CLMN: variants seen among roughly 807,000 people sequenced by gnomAD.
The protein encoded by CLMN is calmin, also known as calmin (calponin-like, transmembrane).
Under a neutral mutation model 92.7 loss-of-function variants are expected in CLMN, and 57 were observed. The observed-to-expected ratio is 0.61, with a 90% CI of 0.50 to 0.77. The LOEUF (loss-of-function observed/expected upper bound fraction) is 0.77. CLMN is among the 30% of genes least tolerant of loss of function. The pLI is 0.00. For missense variants in CLMN, 1,158 were observed against 1,237.5 expected, an observed-to-expected ratio of 0.94 and a Z score of 0.96; for synonymous variants, 466 against 470.6, an observed-to-expected ratio of 0.99 and a Z score of 0.13.
intron 1 of CLMN, among the ~76,000 whole-genome samples, chr14:95,307,096 G>T (rs1156522734): frequency 1.3e-5 from 2 of 152,154 alleles, no homozygotes; most frequent in African/African-American, 4.8e-5. Flanking sequence ...GAAGACATAT[G>T]ACCTCACTGA....
intron 2 of CLMN, among the ~76,000 whole-genome samples, chr14:95,225,017 C>G (rs548622662): frequency 6.6e-6 from 1 of 152,072 alleles, no homozygotes; most frequent in Admixed American, 6.6e-5. Context: ...CCTCACCCCA[C>G]GTGTGTAGAC....
chr14:95,208,417 A>G (rs1370706711), intron 8 of CLMN, among the ~76,000 whole-genome samples: 3 of 152,208 alleles, frequency 2.0e-5, no homozygotes, highest in Non-Finnish European at 4.4e-5. Flanking sequence ...TCTGTGCCCA[A>G]AAAAACTCTC....
In CLMN at chr14:95,194,509, GGAAAGA is replaced by G. The variant is rs770628965; in HGVS notation, c.2769+21_2769+26del. The G allele has an allele frequency of 6.2e-7, 1 of 1,614,038 alleles. No individual in the cohort carries two copies. Among genetic ancestry groups the G allele is most frequent in the Admixed American group, 1.7e-5 (1 of 60,028 alleles). On this transcript the variant is annotated intron_variant, in intron 11 of 12. Transcript: ENST00000298912. This position sits in a 1 kb window ranked among gnomAD's most constrained non-coding sequence, Gnocchi z 4.0. ...AGGAATTGATTAGCAGGGGCCGTGC[GGAAAGA>G]GAAGAAATTCACATACTAACCGATT...
chr14:95,238,728 C>T (rs1339887291), intron 1 of CLMN, among the ~76,000 whole-genome samples: 1 of 152,162 alleles, frequency 6.6e-6, no homozygotes, highest in East Asian at 1.9e-4. Flanking sequence ...CGGCACAAAC[C>T]GGTGGTCTCC....
rs560314144 is a variant in CLMN at position 95,191,487 on chromosome 14, A to G, written c.*77T>C. ...CCTCAACTGTCTGTAGAAGTGCCCC[A>G]CCCAGAACCCAAAATAAAATGAAGT... On this transcript the variant is annotated 3_prime_UTR_variant, in exon 13 of 13. Transcript: ENST00000298912. The surrounding 1 kb of genome is among the most constrained non-coding windows in gnomAD (Gnocchi z 5.3). 6 of 1,337,384 alleles carry G rather than the reference A, an allele frequency of 4.5e-6. No homozygotes were observed. The South Asian group carries it at 8.7e-5, about 19-fold the overall frequency. 82.8% of individuals were successfully genotyped at this position (1,337,384 alleles called of 1,614,324 possible). A position where few individuals can be genotyped will look rare whatever the true frequency, so the allele number is the denominator to read the frequency against.
Position 95,296,826 on chromosome 14 carries a change from C to G in CLMN, c.82+22885G>C, listed in dbSNP as rs150073393. Among the ~76,000 whole-genome samples, 532 of 152,324 alleles carry G rather than the reference C, an allele frequency of 3.5e-3. 4 individuals are homozygous for G. The highest frequency in any genetic ancestry group is 0.012 in the African/African-American group (488 of 41,576). On this transcript the variant is annotated intron_variant, in intron 1 of 12. Coordinates refer to ENST00000298912, the MANE Select transcript of CLMN (RefSeq NM_024734.4). ...CCAGCTTGAACAGGAATGTGTTTTGCTTTACAACAATGTTGTTTCAGGTTT... is the reference window on the plus strand; with the variant it reads ...CCAGCTTGAACAGGAATGTGTTTTGGTTTACAACAATGTTGTTTCAGGTTT...
intron 1 of CLMN, among the ~76,000 whole-genome samples, chr14:95,245,221 T>A (rs1293110750): frequency 9.1e-5 from 3 of 33,128 alleles, no homozygotes; most frequent in African/African-American, 5.6e-4. Flanking sequence ...TATATATATA[T>A]ATATTATATA....
intron 3 of CLMN, chr14:95,222,699 C>T: frequency 2.3e-6 from 1 of 430,964 alleles, no homozygotes; most frequent in Non-Finnish European, 4.6e-6. Context: ...ATGGCGAGGC[C>T]TCTAAGAAAC....
chr14:95,216,871 T>C (rs1169053949), intron 4 of CLMN, among the ~76,000 whole-genome samples: 3 of 152,200 alleles, frequency 2.0e-5, no homozygotes, highest in Non-Finnish European at 4.4e-5. Context: ...TTCTCCCCTA[T>C]GTCTACAGAA....
rs573338476 is a variant in CLMN, at chr14:95,249,120, G to A, written c.83-18987C>T. On this transcript the variant is annotated intron_variant, in intron 1 of 12. Coordinates refer to ENST00000298912, the MANE Select transcript of CLMN (RefSeq NM_024734.4). ...GATTTCCTTTCATTCTTCCTTCTAC[G>A]TTTGTTGCATTTTTGATGGCTTAAC... Among the ~76,000 whole-genome samples, 6 of 152,210 alleles carry A rather than the reference G, an allele frequency of 3.9e-5. No homozygotes were observed. In the South Asian group the frequency reaches 1.0e-3, roughly 26 times the overall value.
At position 95,308,324 on chromosome 14, in the gene CLMN, C is replaced by G. The variant is rs1161678859; in HGVS notation, c.82+11387G>C. On this transcript the variant is annotated intron_variant, in intron 1 of 12. Coordinates refer to ENST00000298912, the MANE Select transcript of CLMN (RefSeq NM_024734.4). ...TGACATCTTGCCCAACATCCTTTAG[C>G]TGGGATCCAGTTTTCTTTCTGGGTT... Among the ~76,000 whole-genome samples the G allele has an allele frequency of 3.3e-5, 5 of 152,360 alleles. No individual in the cohort carries two copies. In the East Asian group the frequency reaches 9.6e-4, roughly 29 times the overall value.
chr14:95,310,063 A>C (rs996815673), intron 1 of CLMN, among the ~76,000 whole-genome samples: 1 of 151,964 alleles, frequency 6.6e-6, no homozygotes, highest in Non-Finnish European at 1.5e-5. Flanking sequence ...GTCCCCTCCA[A>C]ATCTCAGGTT....
chr14:95,248,770 T>C (rs190110821), intron 1 of CLMN, among the ~76,000 whole-genome samples: 1 of 152,318 alleles, frequency 6.6e-6, no homozygotes, highest in Non-Finnish European at 1.5e-5. Context: ...ATAAAAGGGC[T>C]TCCCTGCATA....
intron 12 of CLMN, chr14:95,193,108 T>C: frequency 1.9e-6 from 1 of 528,656 alleles, no homozygotes; most frequent in Non-Finnish European, 3.3e-6. Context: ...TCTAAATCCT[T>C]CCAAGCCAAT....
chr14:95,279,749 C>T (rs1194686334), intron 1 of CLMN, among the ~76,000 whole-genome samples: 1 of 152,222 alleles, frequency 6.6e-6, no homozygotes, highest in Non-Finnish European at 1.5e-5. Context: ...TGCCACTGCA[C>T]TCCAGCCTGG....
At chr14:95,234,049 T>C (rs1051504017) in intron 1 of CLMN, among the ~76,000 whole-genome samples, 10 of 152,218 alleles carry the variant, frequency 6.6e-5, no homozygotes, top group African/African-American at 2.4e-4. Flanking sequence ...CAGGAGAGAC[T>C]GCGAGAACTC....
rs1258644049 is a variant in CLMN, at chr14:95,185,812, G to C, written c.*5752C>G. The stretch of plus-strand genomic sequence containing the variant: ...GTGTCTCAAAACTCCAGAGGCTTCT[G>C]AAGTCCTTCTGGAGAGTTAAGAAAA... On this transcript the variant is annotated 3_prime_UTR_variant, in exon 13 of 13. Transcript: ENST00000298912. The C allele has an allele frequency of 6.6e-6, 1 of 152,136 alleles. No individual in the cohort carries two copies. The highest frequency in any genetic ancestry group is 2.4e-5 in the African/African-American group (1 of 41,426). The allele number at this position is 152,136 out of a possible 1,614,324, so 9.4% of individuals were successfully genotyped here.
rs540135518 is a variant in CLMN, at chr14:95,232,049, G to T, written c.83-1916C>A. ...TGTTTTACAGATGAAGAAACGGAGG[G>T]GCAAATAGTTAATAAAACAGCCCAG... On this transcript the variant is annotated intron_variant, in intron 1 of 12. Coordinates refer to ENST00000298912, the MANE Select transcript of CLMN (RefSeq NM_024734.4). Among the ~76,000 whole-genome samples, 126 of 152,332 alleles carry T rather than the reference G, an allele frequency of 8.3e-4. 1 individual carries two copies. In the South Asian group the frequency reaches 0.015, roughly 18 times the overall value.
At position 95,304,663 on chromosome 14, in the gene CLMN, A is replaced by G. The variant is rs114514805; in HGVS notation, c.82+15048T>C. On this transcript the variant is annotated intron_variant, in intron 1 of 12. Transcript: ENST00000298912. ...TTGTACTGTACAATCTATATAGTAC[A>G]ATTGTACTGATTGTACAGATTGTTG... Among the ~76,000 whole-genome samples the G allele has an allele frequency of 7.2e-3, 1,097 of 152,268 alleles. 14 individuals carry two copies. The highest frequency in any genetic ancestry group is 0.025 in the African/African-American group (1,048 of 41,548).
Sources: allele counts gnomAD v4.1 joint callset (sites outside exome capture counted in the v4.1 genomes callset), GRCh38; gene constraint gnomAD v4.1.1; non-coding constraint Gnocchi (gnomAD v3.1); transcripts MANE v1.5; gene names NCBI Gene and HGNC (gene_info 2026-07-23, HGNC 2026-07-21).